The following ARHGAP26 variants were observed in gnomAD, a reference collection of about 807,000 sequenced individuals.
ARHGAP26 encodes Rho GTPase activating protein 26.
A neutral mutation model predicts 104.8 loss-of-function variants in ARHGAP26; 38 were observed. The ratio of observed to expected loss-of-function variants is 0.36; its 90% confidence interval spans 0.28 to 0.48. The LOEUF (loss-of-function observed/expected upper bound fraction) is 0.48. ARHGAP26 is among the 20% of genes least tolerant of loss of function. The pLI, the probability that ARHGAP26 is intolerant of heterozygous loss-of-function variation, is 0.99. For synonymous variants in ARHGAP26, 341 were observed against 340.0 expected, an observed-to-expected ratio of 1.00 and a Z score of -0.03; for missense variants, 704 against 947.9, an observed-to-expected ratio of 0.74 and a Z score of 3.38.
chr5:142,917,503 A>G (rs548424500), intron 10 of ARHGAP26, among the ~76,000 whole-genome samples: 2 of 152,188 alleles, frequency 1.3e-5, no homozygotes, highest in Non-Finnish European at 2.9e-5. Flanking sequence ...ATGAAACTGT[A>G]CAATATAAAG....
intron 20 of ARHGAP26, among the ~76,000 whole-genome samples, chr5:143,174,939 C>T (rs1252566160): frequency 1.3e-5 from 2 of 152,152 alleles, no homozygotes; most frequent in Admixed American, 1.3e-4. Context: ...GTTTCCAAGT[C>T]CATTATCAGA....
intron 11 of ARHGAP26, among the ~76,000 whole-genome samples, chr5:142,979,541 C>T (rs1331755887): frequency 6.6e-6 from 1 of 152,190 alleles, no homozygotes; most frequent in Non-Finnish European, 1.5e-5. Flanking sequence ...GCTAGGAGTG[C>T]CACTGATGGG....
intron 1 of ARHGAP26, among the ~76,000 whole-genome samples, chr5:142,810,124 G>A (rs76760527): frequency 0.01 from 1,538 of 152,320 alleles, 12 homozygotes; most frequent in South Asian, 0.044. Context: ...AGAGAAGGCA[G>A]TATTTGGCTG....
chr5:142,999,771 A>C (rs899913791), intron 11 of ARHGAP26, among the ~76,000 whole-genome samples: 1 of 152,214 alleles, frequency 6.6e-6, no homozygotes, highest in East Asian at 1.9e-4. Context: ...ACATGAAAAA[A>C]AATTGACTTG....
At chr5:143,216,408 C>A in intron 22 of ARHGAP26, 1 of 427,334 alleles carries the variant, frequency 2.3e-6, no homozygotes, top group South Asian at 1.7e-5. Context: ...GAATTACTTA[C>A]AAGGCCCTCC....
chr5:143,084,592 C>T (rs1022757402), intron 17 of ARHGAP26, among the ~76,000 whole-genome samples: 4 of 152,202 alleles, frequency 2.6e-5, no homozygotes, highest in African/African-American at 7.2e-5. Context: ...CCCTCTCCAG[C>T]GTGGCATACA....
chr5:143,214,495 T>A (rs985919738), intron 22 of ARHGAP26, among the ~76,000 whole-genome samples: 6 of 152,228 alleles, frequency 3.9e-5, no homozygotes, highest in Non-Finnish European at 7.3e-5. Context: ...ATTGTATCCA[T>A]CTTCGAAAAA....
intron 20 of ARHGAP26, among the ~76,000 whole-genome samples, chr5:143,185,655 TATCA>T (rs1805032103): frequency 6.6e-6 from 1 of 152,250 alleles, no homozygotes; most frequent in African/African-American, 2.4e-5. Flanking sequence ...GTTCAGCAAG[TATCA>T]ATCCTTGCCA....
intron 20 of ARHGAP26, among the ~76,000 whole-genome samples, chr5:143,148,055 A>T (rs59774766): frequency 0.042 from 6,357 of 152,222 alleles, 368 homozygotes; most frequent in African/African-American, 0.13. Flanking sequence ...ATTGCTTCAC[A>T]TGCTTCCTTA....
intron 19 of ARHGAP26, among the ~76,000 whole-genome samples, chr5:143,141,417 A>C (rs1477797726): frequency 6.6e-6 from 1 of 152,268 alleles, no homozygotes; most frequent in Non-Finnish European, 1.5e-5. Flanking sequence ...GGACATTTAC[A>C]CACCAAAATG....
intron 1 of ARHGAP26, among the ~76,000 whole-genome samples, chr5:142,834,102 AG>A (rs1244602526): frequency 6.6e-6 from 1 of 152,244 alleles, no homozygotes; most frequent in Non-Finnish European, 1.5e-5. Context: ...TTATTTCCTT[AG>A]CCACATACCC....
intron 1 of ARHGAP26, among the ~76,000 whole-genome samples, chr5:142,858,214 G>A (rs890599684): frequency 3.9e-5 from 6 of 151,938 alleles, no homozygotes; most frequent in East Asian, 3.9e-4. Flanking sequence ...TAATTGGCAC[G>A]GTTTGTCACT....
At chr5:143,136,309 A>G (rs188440958) in intron 19 of ARHGAP26, among the ~76,000 whole-genome samples, 10 of 152,338 alleles carry the variant, frequency 6.6e-5, no homozygotes, top group Middle Eastern at 3.4e-3. Context: ...CTGCAGAGCA[A>G]GCTGCTCTGT....
At chr5:143,056,951 A>G (rs1785915936) in intron 16 of ARHGAP26, among the ~76,000 whole-genome samples, 1 of 152,218 alleles carries the variant, frequency 6.6e-6, no homozygotes, top group South Asian at 2.1e-4. Context: ...GAGAAATTAC[A>G]AACCCATAGC....
At chr5:142,881,794 C>T (rs952356244) in intron 4 of ARHGAP26, among the ~76,000 whole-genome samples, 1 of 152,212 alleles carries the variant, frequency 6.6e-6, no homozygotes, top group Admixed American at 6.5e-5. Context: ...AAGTGCTCTT[C>T]AGCTGGTTTG....
intron 11 of ARHGAP26, among the ~76,000 whole-genome samples, chr5:142,966,618 T>G (rs1771380722): frequency 6.6e-6 from 1 of 152,228 alleles, no homozygotes; most frequent in South Asian, 2.1e-4. Flanking sequence ...TAATAGCTTT[T>G]GGTCTAATAA....
At chr5:143,039,681 C>T (rs1382918474) in intron 13 of ARHGAP26, among the ~76,000 whole-genome samples, 1 of 151,990 alleles carries the variant, frequency 6.6e-6, no homozygotes, top group East Asian at 1.9e-4. Context: ...GCCACCTATT[C>T]GTCTCTCAGT....
intron 17 of ARHGAP26, among the ~76,000 whole-genome samples, chr5:143,093,777 G>T (rs1791845188): frequency 6.6e-6 from 1 of 152,084 alleles, no homozygotes. Flanking sequence ...CAGCGGGAGT[G>T]GAGCTACTCT....
chr5:143,161,014 T>G (rs1157347399), intron 20 of ARHGAP26, among the ~76,000 whole-genome samples: 1 of 148,428 alleles, frequency 6.7e-6, no homozygotes, highest in African/African-American at 2.5e-5. Flanking sequence ...ATTTTTTTTT[T>G]TTTTTTTTTT....
Sources: gnomAD v4.1 joint callset for allele counts (sites outside exome capture counted in the v4.1 genomes callset) on GRCh38, gnomAD v4.1.1 for gene constraint, MANE v1.5 for transcripts, NCBI Gene and HGNC (gene_info 2026-07-23, HGNC 2026-07-21) for gene names.